The following AKAP17A variants were observed in gnomAD, a reference collection of about 807,000 sequenced individuals.
AKAP17A encodes the protein A-kinase anchor protein 17A.
In AKAP17A, 15 loss-of-function variants were observed where a neutral mutation model predicts 52.2. That is an observed-to-expected ratio of 0.29 (90% confidence interval 0.19 to 0.44). The LOEUF (loss-of-function observed/expected upper bound fraction) is 0.44, where lower values mean the gene tolerates loss of function less well. Among genes scored for constraint, AKAP17A ranks in the 20% least tolerant of loss-of-function variants. The pLI, the probability that AKAP17A is intolerant of heterozygous loss-of-function variation, is 1.00. For synonymous variants in AKAP17A, 514 were observed against 424.7 expected (o/e 1.21, Z -2.58); for missense variants, 1,060 against 1,007.0 (o/e 1.05, Z -0.71).
intron 3 of AKAP17A, among the ~76,000 whole-genome samples, chrX:1,598,925 G>A (rs771507604): frequency 1.1e-4 from 16 of 152,240 alleles, no homozygotes; most frequent in South Asian, 2.1e-4. Flanking sequence ...TGATGTGGTC[G>A]GTCCAGTGGT....
At position 1,599,438 on chromosome X, in the gene AKAP17A, CG is replaced by C. The variant is rs1417250146; in HGVS notation, c.1152+11del. The C allele has an allele frequency of 3.2e-6, 5 of 1,557,944 alleles. No homozygotes were observed. Among genetic ancestry groups the C allele is most frequent in the Non-Finnish European group, 4.3e-6 (5 of 1,152,066 alleles). On this transcript the variant is annotated splice_region_variant and intron_variant, in intron 4 of 4. Coordinates refer to ENST00000313871, the MANE Select transcript of AKAP17A (RefSeq NM_005088.3). ...AGCTGCTCAGCAGAGCCAAGGTACC[CG>C]GGGGCTCCCTCTGCAGCCGCCAGCC...
chrX:1,599,292 C>T lies in AKAP17A; in HGVS notation c.1012C>T (p.Gln338Ter), dbSNP rs1400591473. 1 of 1,611,380 alleles carries T rather than the reference C, an allele frequency of 6.2e-7. No homozygotes were observed. Among genetic ancestry groups the T allele is most frequent in the Non-Finnish European group, 8.5e-7 (1 of 1,179,368 alleles). Residue 338 changes from glutamine to a stop codon, truncating the protein, a stop_gained, in exon 4 of 5, where the codon CAG (glutamine) becomes TAG (stop). Coordinates refer to ENST00000313871, the MANE Select transcript of AKAP17A (RefSeq NM_005088.3). LOFTEE classifies it high-confidence loss of function. Reference sequence around the variant, plus strand: ...GAGGGACCGTGAGCTGCGCCGGAATCAGAAGAAGCTGGAGAAGCTGCAGGC... The same window carrying T: ...GAGGGACCGTGAGCTGCGCCGGAATTAGAAGAAGCTGGAGAAGCTGCAGGC... ...KQRDRELRRN[Q>*]KKLEKLQAEE...
rs201849700 is a variant in AKAP17A, at chrX:1,600,981, C to T, written c.1475C>T (p.Pro492Leu). ...TTLHPLGGQP[P>L]AGAPKESPAH... ...CTGCACCCCCTCGGGGGCCAGCCCC[C>T]GGCCGGTGCCCCCAAGGAGAGCCCG... The change falls in exon 5 of 5, where the codon CCG (proline) becomes CTG (leucine). Residue 492 changes from proline to leucine, a missense_variant. Physicochemically the swap from Pro to Leu is moderately conservative, Grantham distance 98. Coordinates refer to ENST00000313871, the MANE Select transcript of AKAP17A (RefSeq NM_005088.3). The T allele has an allele frequency of 4.8e-4, 773 of 1,595,734 alleles. 3 individuals are homozygous for T. The African/African-American group carries it at 8.2e-3, about 17-fold the overall frequency.
chrX:1,600,751 G>A lies in AKAP17A; in HGVS notation c.1245G>A (p.Arg415=), dbSNP rs1483756978. Residue 415 remains arginine (R), a synonymous_variant, in exon 5 of 5, where the codon CGG becomes CGA. Transcript: ENST00000313871. The part of the protein sequence containing the change: ...ERRRLQEAEL[R]RVEEEKERAL... The stretch of plus-strand genomic sequence containing the variant: ...GGCGGCTGCAGGAGGCCGAGCTGCG[G>A]CGCGTGGAGGAGGAGAAGGAGCGCG... 22 of 1,555,468 alleles carry A rather than the reference G, an allele frequency of 1.4e-5. No homozygotes were observed. The highest frequency in any genetic ancestry group is 1.8e-5 in the Non-Finnish European group (21 of 1,154,342).
intron 1 of AKAP17A, among the ~76,000 whole-genome samples, chrX:1,592,111 C>T (rs1379012842): frequency 6.6e-6 from 1 of 151,522 alleles, no homozygotes; most frequent in African/African-American, 2.4e-5. Flanking sequence ...GACTAGGAGG[C>T]CTGGGACTAG....
At chrX:1,592,176 C>T (rs1383927965) in intron 1 of AKAP17A, among the ~76,000 whole-genome samples, 1 of 148,564 alleles carries the variant, frequency 6.7e-6, no homozygotes, top group Non-Finnish European at 1.5e-5. Context: ...AGGGGCTGTC[C>T]GGGGTTTTCG....
At chrX:1,598,495 C>G (rs1286324294) in intron 3 of AKAP17A, among the ~76,000 whole-genome samples, 1 of 152,142 alleles carries the variant, frequency 6.6e-6, no homozygotes, top group East Asian at 1.9e-4. Context: ...TCCATAGGAA[C>G]AGCTGCGACT....
Position 1,599,246 on chromosome X carries a change from T to G in AKAP17A, c.966T>G (p.Leu322=). 1 of 1,612,530 alleles carries G rather than the reference T, an allele frequency of 6.2e-7. No homozygotes were observed. Among genetic ancestry groups the G allele is most frequent in the Non-Finnish European group, 8.5e-7 (1 of 1,179,808 alleles). The change falls in exon 4 of 5, where the codon CTT becomes CTG. Residue 322 remains leucine (L), a synonymous_variant. Transcript: ENST00000313871. ...GAGAGAGGAAAAGAGAAGAGAAGCT[T>G]CGCAAGAGGGAGCAGAAGCAGAGGG... ...LERERKREEK[L]RKREQKQRDR...
At position 1,595,245 on chromosome X, in the gene AKAP17A, C is replaced by A; in HGVS notation, c.763-139C>A. The A allele has an allele frequency of 8.2e-6, 2 of 244,852 alleles. 1 individual carries two copies. The highest frequency in any genetic ancestry group is 1.2e-5 in the Non-Finnish European group (2 of 167,532). 15.2% of individuals were successfully genotyped at this position (244,852 alleles called of 1,614,324 possible). A position where few individuals can be genotyped will look rare whatever the true frequency, so the allele number is the denominator to read the frequency against. Reference sequence around the variant, plus strand: ...CTCCACTGTCTGGGTCTGCACCGGACATGAGTGGTGAGCGGTGAGCGGTGA... The same window carrying A: ...CTCCACTGTCTGGGTCTGCACCGGAAATGAGTGGTGAGCGGTGAGCGGTGA... On this transcript the variant is annotated intron_variant, in intron 2 of 4. Transcript: ENST00000313871.
rs1231519887 is a variant in AKAP17A at position 1,600,027 on chromosome X, A to G, written c.1152+595A>G. 4.9e-6 allele frequency: 3 copies of G among 614,256 alleles called. No homozygotes were observed. The African/African-American group carries it at 5.6e-5, about 11-fold the overall frequency. The allele number at this position is 614,256 out of a possible 1,614,324, so 38.1% of individuals were successfully genotyped here. A position where few individuals can be genotyped will look rare whatever the true frequency, so the allele number is the denominator to read the frequency against. ...GAGCCCGGGGCCAGGGCCCACAGAC[A>G]GACAGACCTCCCCAGGACAGACGTC... is the stretch of plus-strand genomic sequence containing the variant. On this transcript the variant is annotated intron_variant, in intron 4 of 4. Coordinates refer to ENST00000313871, the MANE Select transcript of AKAP17A (RefSeq NM_005088.3).
intron 4 of AKAP17A, chrX:1,600,384 G>A (rs1328837092): frequency 6.4e-6 from 4 of 621,424 alleles, no homozygotes; most frequent in Non-Finnish European, 1.1e-5. Flanking sequence ...TGCCCAAGAG[G>A]CCCGCCCTGG....
At chrX:1,598,830 C>T (rs189051616) in intron 3 of AKAP17A, among the ~76,000 whole-genome samples, 1 of 152,304 alleles carries the variant, frequency 6.6e-6, no homozygotes, top group East Asian at 1.9e-4. Flanking sequence ...GCTGTGCATC[C>T]CGGGGCCTTG....
chrX:1,595,890 G>A (rs1932953402), intron 3 of AKAP17A, among the ~76,000 whole-genome samples: 1 of 152,192 alleles, frequency 6.6e-6, no homozygotes, highest in Non-Finnish European at 1.5e-5. Context: ...ATGCGTGTGT[G>A]CCTGTGAACC....
At chrX:1,595,582 G>A (rs777892604) in intron 3 of AKAP17A, 50 bp downstream of exon 3, 4 of 1,611,554 alleles carry the variant, frequency 2.5e-6, no homozygotes, top group Middle Eastern at 4.1e-4. Context: ...GCACCTGGGA[G>A]TGTGCGCAGA....
At chrX:1,594,249 C>T (rs1159328086) in intron 2 of AKAP17A, 25 bp downstream of exon 2, 3 of 1,503,266 alleles carry the variant, frequency 2.0e-6, no homozygotes, top group Admixed American at 2.3e-5. Flanking sequence ...CCGAGAGAGC[C>T]ACGCGCTTCC....
chrX:1,595,342 G>T lies in AKAP17A; in HGVS notation c.763-42G>T, dbSNP rs757731182. 7.3e-5 allele frequency: 117 copies of T among 1,611,840 alleles called. 3 individuals carry two copies. In the South Asian group the frequency reaches 1.2e-3, roughly 17 times the overall value. ...GGGCGCCTGGCCGTGTGTCTGGGGG[G>T]TTTTGGGGGAAGGCCATCTGACACT... On this transcript the variant is annotated intron_variant, in intron 2 of 4. Coordinates refer to ENST00000313871, the MANE Select transcript of AKAP17A (RefSeq NM_005088.3).
intron 2 of AKAP17A, 24 bp downstream of exon 2, chrX:1,594,248 C>CTA: frequency 6.7e-7 from 1 of 1,502,426 alleles, no homozygotes; most frequent in Non-Finnish European, 8.9e-7. Flanking sequence ...ACCGAGAGAG[C>CTA]CACGCGCTTC....
chrX:1,600,616 G>A (rs1933306670), intron 4 of AKAP17A, 43 bp from the exon 5 acceptor site: 5 of 1,486,742 alleles, frequency 3.4e-6, no homozygotes, highest in Non-Finnish European at 4.5e-6. Flanking sequence ...TGTCCGGCCA[G>A]GCTCAGGAAC....
At chrX:1,597,891 G>T (rs1253851347) in intron 3 of AKAP17A, among the ~76,000 whole-genome samples, 19 of 152,136 alleles carry the variant, frequency 1.2e-4, no homozygotes, top group African/African-American at 4.3e-4. Context: ...GGAGGGGCAG[G>T]CCTGTTGTCT....
Sources: gnomAD v4.1 joint callset for allele counts (sites outside exome capture counted in the v4.1 genomes callset) on GRCh38, gnomAD v4.1.1 for gene constraint, MANE v1.5 for transcripts, NCBI Gene and HGNC (gene_info 2026-07-23, HGNC 2026-07-21) for gene names.